The following DOP1A variants were observed in gnomAD, a reference collection of about 807,000 sequenced individuals.
DOP1A encodes the protein DOP1 leucine zipper like protein A.
DOP1A carries 90 observed loss-of-function variants against 267.6 expected under a neutral mutation model. That is an observed-to-expected ratio of 0.34 (90% confidence interval 0.28 to 0.40). The LOEUF (loss-of-function observed/expected upper bound fraction) is 0.40. Among genes scored for constraint, DOP1A ranks in the 10% least tolerant of loss-of-function variants. The probability of loss-of-function intolerance (pLI) is 1.00; values close to 1 mark genes in which losing one functional copy is unlikely to be tolerated. For synonymous variants in DOP1A, 932 were observed against 999.1 expected (o/e 0.93, Z 1.27); for missense variants, 2,437 against 2,900.4 (o/e 0.84, Z 3.67).
intron 37 of DOP1A, among the ~76,000 whole-genome samples, chr6:83,160,552 G>A (rs117404686): frequency 0.018 from 2,729 of 152,298 alleles, 50 homozygotes; most frequent in Admixed American, 0.059. Flanking sequence ...GCTTATTTTG[G>A]CTATGTAGTG....
At chr6:83,094,452 A>G (rs566272756) in intron 1 of DOP1A, among the ~76,000 whole-genome samples, 5 of 152,310 alleles carry the variant, frequency 3.3e-5, no homozygotes, top group African/African-American at 1.2e-4. Flanking sequence ...TAGTAATTCT[A>G]TGTTGAACCT....
chr6:83,134,826 G>T (rs1248139386), intron 19 of DOP1A, among the ~76,000 whole-genome samples: 7 of 151,996 alleles, frequency 4.6e-5, no homozygotes, highest in African/African-American at 9.7e-5. Context: ...TTTTTAGGTG[G>T]ATTCATATAT....
At chr6:83,153,373 A>G in intron 30 of DOP1A, 138 bp from the exon 31 acceptor site, 1 of 515,896 alleles carries the variant, frequency 1.9e-6, no homozygotes. Context: ...CATTAACATA[A>G]AAATGATTCA....
In DOP1A at chr6:83,137,902, T is replaced by G. The variant is rs752483136; in HGVS notation, c.3860T>G (p.Val1287Gly). Residue 1287 changes from valine to glycine, a missense_variant, in exon 21 of 39, where the codon GTT becomes GGT. By Grantham distance (109) the Val-to-Gly change is moderately radical (BLOSUM62 -3). Transcript: ENST00000349129. ...SEKVSEKETI[V>G]KESGKQPGAK... ...AAAGTTTCGGAGAAGGAAACAATAG[T>G]TAAGGAGTCAGGTAAACAACCAGGA... 2 of 1,612,450 alleles carry G rather than the reference T, an allele frequency of 1.2e-6. No homozygotes were observed. The highest frequency in any genetic ancestry group is 1.7e-6 in the Non-Finnish European group (2 of 1,179,604).
chr6:83,092,211 A>G (rs1422414593), intron 1 of DOP1A, among the ~76,000 whole-genome samples: 2 of 149,398 alleles, frequency 1.3e-5, no homozygotes, highest in African/African-American at 5.0e-5. Context: ...CCATGGATTG[A>G]TAATGAAATA....
In DOP1A at chr6:83,167,996, C is replaced by T; in HGVS notation, c.7227C>T (p.Ser2409=). 6.2e-7 allele frequency: 1 copy of T among 1,614,172 alleles called. No individual in the cohort carries two copies. Among genetic ancestry groups the T allele is most frequent in the Non-Finnish European group, 8.5e-7 (1 of 1,180,030 alleles). The change falls in exon 39 of 39, where the codon AGC becomes AGT. Residue 2409 remains serine (S), a synonymous_variant. Coordinates refer to ENST00000349129, the MANE Select transcript of DOP1A (RefSeq NM_015018.4). ...FFNVLSQVFN[S]KVTSRCGGHS... ...ATGTGCTCAGTCAAGTCTTCAACAG[C>T]AAAGTCACAAGCCGATGTGGAGGAC...
chr6:83,151,204 G>A (rs1490301476), intron 27 of DOP1A, among the ~76,000 whole-genome samples: 2 of 152,282 alleles, frequency 1.3e-5, no homozygotes, highest in East Asian at 1.9e-4. Context: ...CCAGGCCAGA[G>A]TGCAGTGGTT....
At chr6:83,092,215 T>C (rs1770559861) in intron 1 of DOP1A, among the ~76,000 whole-genome samples, 2 of 146,800 alleles carry the variant, frequency 1.4e-5, no homozygotes, top group Admixed American at 1.4e-4. Context: ...GGATTGATAA[T>C]GAAATAGCTT....
Position 83,096,912 on chromosome 6 carries a change from A to G in DOP1A, c.-53-13A>G. 14 of 1,567,142 alleles carry G rather than the reference A, an allele frequency of 8.9e-6. No homozygotes were observed. Among genetic ancestry groups the G allele is most frequent in the Non-Finnish European group, 1.2e-5 (14 of 1,158,366 alleles). ...CTTTGTAACCTTGGTTCCTCCTGCA[A>G]ACTCTTTTGTAGGTAATGACTTTAC... On this transcript the variant is annotated splice_polypyrimidine_tract_variant and intron_variant, in intron 2 of 38. Coordinates refer to ENST00000349129, the MANE Select transcript of DOP1A (RefSeq NM_015018.4).
chr6:83,134,359 C>T, intron 19 of DOP1A, 72 bp downstream of exon 19: 1 of 1,323,680 alleles, frequency 7.6e-7, no homozygotes, highest in Non-Finnish European at 1.0e-6. Context: ...AGTCCACTGT[C>T]TAGCTTGGCA....
chr6:83,122,982 G>A lies in DOP1A; in HGVS notation c.1340G>A (p.Arg447Lys). 1 of 1,575,780 alleles carries A rather than the reference G, an allele frequency of 6.3e-7. No individual in the cohort carries two copies. The highest frequency in any genetic ancestry group is 8.6e-7 in the Non-Finnish European group (1 of 1,166,938). Reference protein sequence around the residue: ...YVARWFEECCRRTLHVRLQIG... With the variant: ...YVARWFEECCKRTLHVRLQIG... ...GCACGCTGGTTTGAAGAATGTTGTA[G>A]GTATGTTAAACTTTCATTCCTTTTA... The change falls in exon 12 of 39, where the codon AGG becomes AAG. Residue 447 changes from arginine (R) to lysine (K), a missense_variant and splice_region_variant. Physicochemically the swap from Arg to Lys is conservative, Grantham distance 26. This residue lies in a region of DOP1A where 498 missense variants were observed against 513.5 expected (regional missense o/e 0.97). Coordinates refer to ENST00000349129, the MANE Select transcript of DOP1A (RefSeq NM_015018.4).
At chr6:83,154,337 A>G in intron 33 of DOP1A, 96 bp downstream of exon 33, 1 of 1,133,736 alleles carries the variant, frequency 8.8e-7, no homozygotes, top group Non-Finnish European at 1.3e-6. Context: ...GAGACTACTG[A>G]ATTAGCTCTT....
Position 83,153,916 on chromosome 6 carries a change from C to T in DOP1A, c.6262C>T (p.Arg2088Ter). Residue 2088 changes from arginine (R) to a stop codon, truncating the protein, a stop_gained, in exon 32 of 39, where the codon CGA (arginine) becomes TGA (stop). Transcript: ENST00000349129. LOFTEE classifies it high-confidence loss of function. ...NHSAHNAPSY[R>*]ACVQLLSSLS... is the part of the protein sequence containing the mutation. Reference sequence around the variant, plus strand: ...TAGTGCACATAATGCCCCTAGTTATCGAGCTTGTGTCCAGCTGCTCAGCAG... The same window carrying T: ...TAGTGCACATAATGCCCCTAGTTATTGAGCTTGTGTCCAGCTGCTCAGCAG... 1.2e-6 allele frequency: 2 copies of T among 1,612,364 alleles called. No individual in the cohort carries two copies. Among genetic ancestry groups the T allele is most frequent in the East Asian group, 2.2e-5 (1 of 44,858 alleles).
intron 1 of DOP1A, among the ~76,000 whole-genome samples, chr6:83,081,087 A>G (rs1767996707): frequency 6.6e-6 from 1 of 152,164 alleles, no homozygotes; most frequent in African/African-American, 2.4e-5. Flanking sequence ...TAGAGAGCCC[A>G]GAAATAATTC....
At chr6:83,159,131 C>T (rs1262322599) in intron 36 of DOP1A, among the ~76,000 whole-genome samples, 3 of 152,128 alleles carry the variant, frequency 2.0e-5, no homozygotes. Flanking sequence ...ATATTTTCTT[C>T]TTCAGTAGTA....
Position 83,147,292 on chromosome 6 carries a change from G to A in DOP1A, c.5732+1G>A. The A allele has an allele frequency of 1.4e-6, 2 of 1,467,406 alleles. No individual in the cohort carries two copies. The highest frequency in any genetic ancestry group is 9.4e-7 in the Non-Finnish European group (1 of 1,066,256). The allele number at this position is 1,467,406 out of a possible 1,614,324, so 90.9% of individuals were successfully genotyped here. On this transcript the variant is annotated splice_donor_variant, in intron 26 of 38. Coordinates refer to ENST00000349129, the MANE Select transcript of DOP1A (RefSeq NM_015018.4). LOFTEE classifies it high-confidence loss of function. ...AGTTTTTCTATGCTTATATTCAAAG[G>A]TAAGATTACTGATATTGATCTGTCC...
At chr6:83,082,500 C>T (rs900112302) in intron 1 of DOP1A, among the ~76,000 whole-genome samples, 4 of 152,026 alleles carry the variant, frequency 2.6e-5, no homozygotes, top group Non-Finnish European at 4.4e-5. Context: ...TGCTTACCAG[C>T]GGCTGGGGTG....
At chr6:83,147,314 G>C (rs1037748601) in intron 26 of DOP1A, 23 bp downstream of exon 26, 1 of 1,290,992 alleles carries the variant, frequency 7.7e-7, no homozygotes, top group Non-Finnish European at 1.1e-6. Context: ...ATATTGATCT[G>C]TCCTTACTAT....
intron 23 of DOP1A, 92 bp from the exon 24 acceptor site, chr6:83,141,829 T>C (rs1034031259): frequency 2.3e-6 from 3 of 1,328,428 alleles, no homozygotes; most frequent in African/African-American, 3.0e-5. Flanking sequence ...ATAAGTACTA[T>C]ATTATTTCAA....
Sources: gnomAD v4.1 joint callset for allele counts (sites outside exome capture counted in the v4.1 genomes callset) on GRCh38, gnomAD v4.1.1 for gene constraint, gnomAD v4.1.1 regional missense constraint, MANE v1.5 for transcripts, NCBI Gene and HGNC (gene_info 2026-07-23, HGNC 2026-07-21) for gene names.